MYZAP: variants seen among roughly 807,000 people sequenced by gnomAD.
MYZAP encodes the protein myocardial zonula adherens protein, also known as GRINL1A complex locus upstream.
MYZAP carries 66 observed loss-of-function variants against 69.4 expected under a neutral mutation model. The ratio of observed to expected loss-of-function variants is 0.95; its 90% confidence interval spans 0.78 to 1.17. MYZAP has a LOEUF of 1.17. Among genes scored for constraint, MYZAP ranks in the 50% most tolerant of loss-of-function variants. The pLI is 0.00. For missense variants in MYZAP, 611 were observed against 556.2 expected (o/e 1.10, Z -0.99); for synonymous variants, 256 against 205.9 (o/e 1.24, Z -2.09).
Position 57,666,523 on chromosome 15 carries a change from A to G in MYZAP, c.1203+4990A>G, listed in dbSNP as rs150702354. On this transcript the variant is annotated intron_variant, in intron 11 of 12. Coordinates refer to ENST00000267853, the MANE Select transcript of MYZAP (RefSeq NM_001018100.5). ...GCCCCAAATCCAAATGACACAGCAG[A>G]CTCCTAAAAGCTTGCTCTAGCCTGG... 7.7e-3 allele frequency among the ~76,000 whole-genome samples: 1,173 copies of G among 152,184 alleles called. 16 individuals carry two copies. The highest frequency in any genetic ancestry group is 0.027 in the African/African-American group (1,102 of 41,512).
intron 12 of MYZAP, among the ~76,000 whole-genome samples, chr15:57,681,300 C>A (rs1185154488): frequency 6.6e-6 from 1 of 152,202 alleles, no homozygotes; most frequent in Non-Finnish European, 1.5e-5. Context: ...TGGCAGGTGA[C>A]ACTGGGACCA....
intron 11 of MYZAP, among the ~76,000 whole-genome samples, chr15:57,668,535 A>C (rs772403347): frequency 1.6e-4 from 25 of 152,294 alleles, no homozygotes; most frequent in South Asian, 6.2e-4. Flanking sequence ...AAATAAAAAT[A>C]AAAACAAAAG....
At chr15:57,667,326 CA>C (rs2038628121) in intron 11 of MYZAP, among the ~76,000 whole-genome samples, 1 of 152,180 alleles carries the variant, frequency 6.6e-6, no homozygotes, top group Non-Finnish European at 1.5e-5. Flanking sequence ...AGGTGACCGC[CA>C]AACATTCGTG....
intron 3 of MYZAP, among the ~76,000 whole-genome samples, 193 bp from the exon 4 acceptor site, chr15:57,621,415 T>C (rs921352662): frequency 1.3e-5 from 2 of 152,064 alleles, no homozygotes; most frequent in Non-Finnish European, 2.9e-5. Flanking sequence ...GGTTTCACCA[T>C]GTCAGCCAGG....
chr15:57,647,700 G>C (rs2037512121), intron 10 of MYZAP: 1 of 985,262 alleles, frequency 1.0e-6, no homozygotes, highest in Admixed American at 6.2e-5. Context: ...TAGCCTGAGA[G>C]TGCCTCCTAA....
At chr15:57,593,738 TTCAGG>T (rs1267964373) in intron 1 of MYZAP, among the ~76,000 whole-genome samples, 1 of 152,196 alleles carries the variant, frequency 6.6e-6, no homozygotes, top group Non-Finnish European at 1.5e-5. Context: ...GATCAGGCCA[TTCAGG>T]GCTGTCCTGG....
chr15:57,637,664 T>G, intron 8 of MYZAP, 31 bp from the exon 9 acceptor site: 1 of 1,605,214 alleles, frequency 6.2e-7, no homozygotes, highest in South Asian at 1.1e-5. Flanking sequence ...TGGGATCCAT[T>G]GATTAAAATA....
chr15:57,605,460 C>A (rs1450444114), intron 2 of MYZAP, among the ~76,000 whole-genome samples: 1 of 152,028 alleles, frequency 6.6e-6, no homozygotes, highest in East Asian at 1.9e-4. Context: ...TAGAGTTAAC[C>A]ACTAATGTGG....
intron 11 of MYZAP, among the ~76,000 whole-genome samples, chr15:57,664,141 A>G (rs1481802283): frequency 6.7e-6 from 1 of 150,226 alleles, no homozygotes; most frequent in African/African-American, 2.4e-5. Flanking sequence ...GGCTAACATC[A>G]TTTTGACACC....
intron 10 of MYZAP, among the ~76,000 whole-genome samples, chr15:57,651,092 G>A (rs1408047690): frequency 6.6e-6 from 1 of 152,134 alleles, no homozygotes; most frequent in Non-Finnish European, 1.5e-5. Flanking sequence ...GGAGGGGAGA[G>A]GAGCACGGAG....
chr15:57,593,097 A>T (rs1189655121), intron 1 of MYZAP, among the ~76,000 whole-genome samples: 1 of 151,510 alleles, frequency 6.6e-6, no homozygotes, highest in Non-Finnish European at 1.5e-5. Context: ...TCTAGAAGAA[A>T]GGTGTGTTAC....
intron 4 of MYZAP, among the ~76,000 whole-genome samples, chr15:57,624,834 G>A (rs1310493131): frequency 6.6e-6 from 1 of 152,174 alleles, no homozygotes; most frequent in Non-Finnish European, 1.5e-5. Context: ...CTGGCTTGCT[G>A]CTTCAATTCT....
chr15:57,602,610 T>C (rs1265116372), intron 1 of MYZAP, among the ~76,000 whole-genome samples: 1 of 152,166 alleles, frequency 6.6e-6, no homozygotes, highest in Non-Finnish European at 1.5e-5. Context: ...ATTCAACCCA[T>C]ATTAGGGAGC....
chr15:57,670,832 T>A (rs1477508606), intron 11 of MYZAP, among the ~76,000 whole-genome samples: 1 of 152,108 alleles, frequency 6.6e-6, no homozygotes, highest in Admixed American at 6.5e-5. Context: ...ACTGTGCACC[T>A]AGAGATAATA....
chr15:57,681,081 T>C (rs868806817), intron 12 of MYZAP, among the ~76,000 whole-genome samples: 2 of 152,258 alleles, frequency 1.3e-5, no homozygotes, highest in African/African-American at 2.4e-5. Context: ...TGAGAGCCTG[T>C]TTTTGAACCT....
At chr15:57,604,787 G>C (rs1302306897) in intron 2 of MYZAP, among the ~76,000 whole-genome samples, 1 of 152,260 alleles carries the variant, frequency 6.6e-6, no homozygotes, top group Non-Finnish European at 1.5e-5. Context: ...AAGGCTGGCA[G>C]GCAGGCTGGT....
chr15:57,618,307 T>C (rs1464864576), intron 3 of MYZAP, 119 bp downstream of exon 3: 1 of 1,435,784 alleles, frequency 7.0e-7, no homozygotes, highest in Non-Finnish European at 9.3e-7. Flanking sequence ...CTTAGTGTTA[T>C]CATTTTGGCT....
chr15:57,680,770 G>A (rs2039392486), intron 12 of MYZAP: 1 of 152,074 alleles, frequency 6.6e-6, no homozygotes, highest in South Asian at 2.1e-4. Flanking sequence ...ATTCCCCATG[G>A]TCATAAGTGC....
intron 6 of MYZAP, among the ~76,000 whole-genome samples, chr15:57,630,737 A>T (rs1392499061): frequency 1.8e-4 from 27 of 152,214 alleles, no homozygotes. Context: ...GAGGGCACTT[A>T]ATAAATTATA....
Sources: allele counts gnomAD v4.1 joint callset (sites outside exome capture counted in the v4.1 genomes callset), GRCh38; gene constraint gnomAD v4.1.1; transcripts MANE v1.5; gene names NCBI Gene and HGNC (gene_info 2026-07-23, HGNC 2026-07-21).